The following ZMYND8 variants were observed in gnomAD, a reference collection of about 807,000 sequenced individuals.
The protein encoded by ZMYND8 is zinc finger MYND-type containing 8, also known as MYND-type zinc finger-containing chromatin reader ZMYND8.
ZMYND8 carries 37 observed loss-of-function variants against 140.8 expected under a neutral mutation model. The observed-to-expected ratio is 0.26, with a 90% CI of 0.20 to 0.35. The LOEUF (loss-of-function observed/expected upper bound fraction) is 0.35, where lower values mean the gene tolerates loss of function less well. Among genes scored for constraint, ZMYND8 ranks in the 10% least tolerant of loss-of-function variants. The pLI, the probability that ZMYND8 is intolerant of heterozygous loss-of-function variation, is 1.00. For missense variants in ZMYND8, 1,068 were observed against 1,570.0 expected, an observed-to-expected ratio of 0.68 and a Z score of 5.40; for synonymous variants, 592 against 597.1, an observed-to-expected ratio of 0.99 and a Z score of 0.12.
At chr20:47,233,047 T>C (rs1184212328) in intron 16 of ZMYND8, among the ~76,000 whole-genome samples, 2 of 151,564 alleles carry the variant, frequency 1.3e-5, no homozygotes, top group Non-Finnish European at 2.9e-5. Context: ...GCTGGGATTA[T>C]AGGTGCCTGC....
chr20:47,247,010 G>C (rs185989211), intron 13 of ZMYND8, among the ~76,000 whole-genome samples: 4 of 152,286 alleles, frequency 2.6e-5, no homozygotes, highest in Admixed American at 2.6e-4. Flanking sequence ...AAGGGTTAAA[G>C]TTCTTGATCC....
intron 2 of ZMYND8, 74 bp from the exon 3 acceptor site, chr20:47,310,278 G>C: frequency 6.6e-7 from 1 of 1,514,340 alleles, no homozygotes; most frequent in Admixed American, 2.3e-5. Flanking sequence ...AGGTGTGGAG[G>C]AACCAAGTGT....
intron 2 of ZMYND8, among the ~76,000 whole-genome samples, chr20:47,338,903 TAGATGGAG>T (rs1389613193): frequency 6.6e-6 from 1 of 151,860 alleles, no homozygotes; most frequent in African/African-American, 2.4e-5. Context: ...ACTGGACTCC[TAGATGGAG>T]AGAAGCAAAT....
chr20:47,220,404 G>T, intron 20 of ZMYND8, 80 bp from the exon 21 acceptor site: 1 of 1,188,778 alleles, frequency 8.4e-7, no homozygotes, highest in South Asian at 1.3e-5. Flanking sequence ...GGGAGTCATG[G>T]GGGTGCTCAT....
rs760226592 is a variant in ZMYND8 at position 47,227,320 on chromosome 20, A to G, written c.2938-39T>C. On this transcript the variant is annotated intron_variant, in intron 17 of 22. Transcript: ENST00000471951. ...AGTGAGCGTCTTCAAAAGCTGTCTC[A>G]TGCAGTTCACCAGGAGGGCTCAGAA... 1.8e-5 allele frequency: 29 copies of G among 1,605,794 alleles called. No individual in the cohort carries two copies. The East Asian group carries it at 6.5e-4, about 36-fold the overall frequency.
intron 5 of ZMYND8, among the ~76,000 whole-genome samples, chr20:47,294,259 C>T (rs772874016): frequency 1.3e-5 from 2 of 151,632 alleles, no homozygotes; most frequent in South Asian, 2.1e-4. Flanking sequence ...GGCAGAGGCA[C>T]GAGAATCACT....
intron 4 of ZMYND8, among the ~76,000 whole-genome samples, chr20:47,295,299 G>A (rs1297465157): frequency 1.3e-5 from 2 of 152,172 alleles, no homozygotes; most frequent in Non-Finnish European, 2.9e-5. Flanking sequence ...AGGCTGAGGT[G>A]GGAGGATGGG....
chr20:47,290,583 G>GTTTTTT (rs71183240), intron 6 of ZMYND8, among the ~76,000 whole-genome samples: 19 of 64,088 alleles, frequency 3.0e-4, no homozygotes, highest in East Asian at 1.0e-3. Context: ...TATTTATTTA[G>GTTTTTT]TTTTTTTTTT....
intron 11 of ZMYND8, among the ~76,000 whole-genome samples, chr20:47,269,330 G>A (rs1404366621): frequency 6.6e-6 from 1 of 152,236 alleles, no homozygotes; most frequent in African/African-American, 2.4e-5. Flanking sequence ...CATCCTAGGT[G>A]CACAGAACAG....
chr20:47,282,717 C>T (rs1336197728), intron 9 of ZMYND8, among the ~76,000 whole-genome samples: 3 of 142,834 alleles, frequency 2.1e-5, no homozygotes, highest in African/African-American at 8.1e-5. Flanking sequence ...GATCGAAACT[C>T]CATCTCAAAA....
At chr20:47,289,435 A>G (rs2077119810) in intron 7 of ZMYND8, among the ~76,000 whole-genome samples, 1 of 152,182 alleles carries the variant, frequency 6.6e-6, no homozygotes, top group Admixed American at 6.5e-5. Context: ...CTACTCACTG[A>G]GCTGGCAACA....
chr20:47,318,602 A>G lies in ZMYND8; in HGVS notation c.86-8398T>C, dbSNP rs1194157442. 1.3e-5 allele frequency: 5 copies of G among 391,754 alleles called. No homozygotes were observed. In the East Asian group the frequency reaches 2.9e-4, roughly 23 times the overall value. 24.3% of individuals were successfully genotyped at this position (391,754 alleles called of 1,614,324 possible). On this transcript the variant is annotated intron_variant, in intron 2 of 22. Coordinates refer to ENST00000471951, the MANE Select transcript of ZMYND8 (RefSeq NM_001281775.3). ...TAAGCCAGGAGGAACTTGTAAATGAAAACCGCTCGCATTAGCAAATGATTA... is the reference window on the plus strand; with the variant it reads ...TAAGCCAGGAGGAACTTGTAAATGAGAACCGCTCGCATTAGCAAATGATTA...
chr20:47,309,090 G>C (rs190377276), intron 3 of ZMYND8, among the ~76,000 whole-genome samples: 9 of 152,282 alleles, frequency 5.9e-5, no homozygotes, highest in African/African-American at 2.2e-4. Context: ...TTTGTAATCT[G>C]AAGAGTATCT....
chr20:47,222,197 G>A (rs1357368596), intron 19 of ZMYND8, among the ~76,000 whole-genome samples: 1 of 152,184 alleles, frequency 6.6e-6, no homozygotes, highest in Non-Finnish European at 1.5e-5. Context: ...GCTATCAGAG[G>A]CCCAGAGAAT....
At chr20:47,338,935 C>G (rs1005802262) in intron 2 of ZMYND8, among the ~76,000 whole-genome samples, 1 of 151,786 alleles carries the variant, frequency 6.6e-6, no homozygotes, top group Non-Finnish European at 1.5e-5. Flanking sequence ...TATCTGGTCC[C>G]GAGCCTGCCT....
At position 47,341,593 on chromosome 20, in the gene ZMYND8, A is replaced by G. The variant is rs538588766; in HGVS notation, c.85+6263T>C. Among the ~76,000 whole-genome samples the G allele has an allele frequency of 1.1e-4, 17 of 151,506 alleles. No homozygotes were observed. The East Asian group carries it at 2.9e-3, about 26-fold the overall frequency. ...AGTAGCAATGAGCACACACTTGGCC[A>G]GGTGCGGTGGTTCATGCCTACAATC... On this transcript the variant is annotated intron_variant, in intron 2 of 22. Coordinates refer to ENST00000471951, the MANE Select transcript of ZMYND8 (RefSeq NM_001281775.3).
chr20:47,216,494 T>TAAAAA (rs1600869430), intron 21 of ZMYND8, among the ~76,000 whole-genome samples: 1 of 16,324 alleles, frequency 6.1e-5, no homozygotes, highest in Non-Finnish European at 1.0e-4. Context: ...AGACTCTGTC[T>TAAAAA]CAAAAAAAAA....
chr20:47,251,451 G>T (rs1235768539), intron 12 of ZMYND8, among the ~76,000 whole-genome samples: 1 of 151,956 alleles, frequency 6.6e-6, no homozygotes, highest in Non-Finnish European at 1.5e-5. Context: ...GCTGGGCTTG[G>T]TGGTGCACGC....
Position 47,329,185 on chromosome 20 carries a change from T to C in ZMYND8, c.85+18671A>G, listed in dbSNP as rs142964985. 5.0e-3 allele frequency among the ~76,000 whole-genome samples: 765 copies of C among 152,296 alleles called. 28 individuals carry two copies. Among genetic ancestry groups the C allele is most frequent in the Admixed American group, 0.042 (636 of 15,286 alleles). ...TTCAGTGCTGTGTCCCCTGGCGACA[T>C]AGCTTCACCTACAGCATTCAGCACA... On this transcript the variant is annotated intron_variant, in intron 2 of 22. Transcript: ENST00000471951.
Sources: allele counts gnomAD v4.1 joint callset (sites outside exome capture counted in the v4.1 genomes callset), GRCh38; gene constraint gnomAD v4.1.1; transcripts MANE v1.5; gene names NCBI Gene and HGNC (gene_info 2026-07-23, HGNC 2026-07-21).